Variants in TMEM108 observed in about 807,000 individuals in gnomAD.
The protein encoded by TMEM108 is transmembrane protein 108, also known as cancer/testis antigen 124.
TMEM108 carries 12 observed loss-of-function variants against 35.1 expected under a neutral mutation model. The ratio of observed to expected loss-of-function variants is 0.34; its 90% CI spans 0.22 to 0.55. The LOEUF (loss-of-function observed/expected upper bound fraction) is 0.55. Ranked by LOEUF, TMEM108 falls within the 20% of genes least tolerant of loss-of-function variation. The pLI, the probability that TMEM108 is intolerant of heterozygous loss-of-function variation, is 0.89. For missense variants in TMEM108, 680 were observed against 753.3 expected (o/e 0.90, Z 1.14); for synonymous variants, 287 against 308.6 (o/e 0.93, Z 0.73).
At chr3:133,256,044 A>G (rs2107672004) in intron 3 of TMEM108, among the ~76,000 whole-genome samples, 1 of 152,300 alleles carries the variant, frequency 6.6e-6, no homozygotes, top group African/African-American at 2.4e-5. Context: ...ATGCCTGGTT[A>G]TAAAAACAGC....
intron 2 of TMEM108, among the ~76,000 whole-genome samples, chr3:133,072,697 A>T (rs897081977): frequency 6.6e-6 from 1 of 152,156 alleles, no homozygotes; most frequent in Non-Finnish European, 1.5e-5. Context: ...CTTTTAAAAA[A>T]TGTACAATTC....
rs548135838 is a variant in TMEM108, at chr3:133,379,978, G to A, written c.267G>A (p.Glu89=). 2 of 1,613,770 alleles carry A rather than the reference G, an allele frequency of 1.2e-6. No homozygotes were observed. The highest frequency in any genetic ancestry group is 2.2e-5 in the South Asian group (2 of 91,048). Reference sequence around the variant, plus strand: ...TGGCAACACCGACACCCCGTGCAGAGGGGCACCCTCCTACGCACACCATCT... The same window carrying A: ...TGGCAACACCGACACCCCGTGCAGAAGGGCACCCTCCTACGCACACCATCT... ...APMATPTPRA[E]GHPPTHTIST... Residue 89 remains glutamate, a synonymous_variant, in exon 4 of 6, where the codon GAG becomes GAA. Coordinates refer to ENST00000321871, the MANE Select transcript of TMEM108 (RefSeq NM_023943.4).
chr3:133,318,024 G>A (rs993404744), intron 3 of TMEM108, among the ~76,000 whole-genome samples: 3 of 152,206 alleles, frequency 2.0e-5, no homozygotes, highest in African/African-American at 4.8e-5. Flanking sequence ...CAAGAGGCCA[G>A]TCATTTCACT....
At chr3:133,097,057 C>G (rs6795225) in intron 2 of TMEM108, among the ~76,000 whole-genome samples, 16 of 152,144 alleles carry the variant, frequency 1.1e-4, no homozygotes, top group African/African-American at 3.6e-4. Context: ...ATTGGCCATT[C>G]CAAATAATGT....
At chr3:133,097,781 A>G (rs1292442147) in intron 2 of TMEM108, among the ~76,000 whole-genome samples, 1 of 152,210 alleles carries the variant, frequency 6.6e-6, no homozygotes, top group African/African-American at 2.4e-5. Flanking sequence ...GTAAAGAACT[A>G]TGTGGCCCAT....
At chr3:133,340,953 A>T (rs1295941824) in intron 3 of TMEM108, among the ~76,000 whole-genome samples, 8 of 151,856 alleles carry the variant, frequency 5.3e-5, no homozygotes, top group Non-Finnish European at 7.4e-5. Context: ...AATCACTAGT[A>T]TCATACTGAA....
Position 133,316,011 on chromosome 3 carries a change from C to A in TMEM108, c.41-63741C>A, listed in dbSNP as rs138487148. Reference sequence around the variant, plus strand: ...CAGAGACGACTTAAAGCCCTGCAGCCTTTCTTGTAACACACACAAATGATA... The same window carrying A: ...CAGAGACGACTTAAAGCCCTGCAGCATTTCTTGTAACACACACAAATGATA... On this transcript the variant is annotated intron_variant, in intron 3 of 5. Transcript: ENST00000321871. Among the ~76,000 whole-genome samples, 630 of 152,304 alleles carry A rather than the reference C, an allele frequency of 4.1e-3. 6 individuals carry two copies. Among genetic ancestry groups the A allele is most frequent in the African/African-American group, 0.015 (615 of 41,572 alleles).
intron 3 of TMEM108, among the ~76,000 whole-genome samples, chr3:133,370,509 G>C (rs115430490): frequency 0.02 from 3,015 of 152,256 alleles, 86 homozygotes; most frequent in African/African-American, 0.069. Flanking sequence ...GTTCTCTACT[G>C]TAAAGCAGGG....
At chr3:133,239,428 G>A (rs2107659335) in intron 3 of TMEM108, among the ~76,000 whole-genome samples, 1 of 152,260 alleles carries the variant, frequency 6.6e-6, no homozygotes, top group Middle Eastern at 3.4e-3. Flanking sequence ...ATCACCTCGG[G>A]AACTTTTTTT....
chr3:133,081,768 A>G (rs1446840536), intron 2 of TMEM108, among the ~76,000 whole-genome samples: 2 of 152,338 alleles, frequency 1.3e-5, no homozygotes, highest in African/African-American at 2.4e-5. Context: ...AAAGGGAAAA[A>G]GAGTAGGTAG....
At chr3:133,164,235 T>G (rs1559852857) in intron 2 of TMEM108, among the ~76,000 whole-genome samples, 1 of 152,228 alleles carries the variant, frequency 6.6e-6, no homozygotes, top group Admixed American at 6.5e-5. Flanking sequence ...CAAGACCAAG[T>G]GTCAAGTCAC....
At chr3:133,323,408 G>A (rs148645252) in intron 3 of TMEM108, among the ~76,000 whole-genome samples, 1 of 152,164 alleles carries the variant, frequency 6.6e-6, no homozygotes, top group East Asian at 1.9e-4. Flanking sequence ...ATCAAATCAA[G>A]AACTCACCCC....
intron 3 of TMEM108, among the ~76,000 whole-genome samples, chr3:133,298,548 T>C (rs2107701026): frequency 6.6e-6 from 1 of 152,198 alleles, no homozygotes; most frequent in East Asian, 1.9e-4. Context: ...ATTCTTCTTC[T>C]AGAACAGGTA....
intron 2 of TMEM108, among the ~76,000 whole-genome samples, chr3:133,171,272 G>C (rs1945126839): frequency 6.6e-6 from 1 of 152,166 alleles, no homozygotes; most frequent in Non-Finnish European, 1.5e-5. Flanking sequence ...TTTTGCTTAA[G>C]GATGTTAGGG....
intron 3 of TMEM108, among the ~76,000 whole-genome samples, chr3:133,315,625 A>G (rs1321543338): frequency 6.6e-6 from 1 of 152,256 alleles, no homozygotes; most frequent in African/African-American, 2.4e-5. Flanking sequence ...CCCAGCAGGA[A>G]GTCTTGCTGA....
intron 3 of TMEM108, among the ~76,000 whole-genome samples, chr3:133,297,122 A>G (rs144099560): frequency 2.2e-4 from 34 of 152,348 alleles, no homozygotes; most frequent in Non-Finnish European, 3.8e-4. Flanking sequence ...AATAATGCTC[A>G]TTAGGCTTAT....
chr3:133,312,529 A>T (rs2071145188), intron 3 of TMEM108, among the ~76,000 whole-genome samples: 1 of 152,232 alleles, frequency 6.6e-6, no homozygotes, highest in African/African-American at 2.4e-5. Flanking sequence ...TGGGTGTGGG[A>T]CCCACCAGGC....
In TMEM108 at chr3:133,219,845, T is replaced by G. The variant is rs182120450; in HGVS notation, c.-46-9421T>G. ...CTATATATGTCTGTACCATTTGCTC[T>G]AAAATGTAGTTTAAGTCAATGTTTC... On this transcript the variant is annotated intron_variant, in intron 2 of 5. Coordinates refer to ENST00000321871, the MANE Select transcript of TMEM108 (RefSeq NM_023943.4). Among the ~76,000 whole-genome samples the G allele has an allele frequency of 4.5e-4, 68 of 152,282 alleles. 1 individual carries two copies. The highest frequency in any genetic ancestry group is 1.0e-4 in the Non-Finnish European group (7 of 68,000).
intron 2 of TMEM108, among the ~76,000 whole-genome samples, chr3:133,073,453 T>C (rs1260907714): frequency 8.1e-5 from 11 of 135,064 alleles, no homozygotes; most frequent in South Asian, 2.5e-4. Flanking sequence ...AGGATTCTCT[T>C]TTTTTTTTTT....
Sources: gnomAD v4.1 joint callset for allele counts (sites outside exome capture counted in the v4.1 genomes callset) on GRCh38, gnomAD v4.1.1 for gene constraint, MANE v1.5 for transcripts, NCBI Gene and HGNC (gene_info 2026-07-23, HGNC 2026-07-21) for gene names.